PNPLA8: variants seen among roughly 807,000 people sequenced by gnomAD.
PNPLA8 encodes the protein patatin like domain 8, phospholipase A2, also known as calcium-independent phospholipase A2-gamma.
A neutral mutation model predicts 76.9 loss-of-function variants in PNPLA8; 39 were observed. That is an observed-to-expected ratio of 0.51 (90% confidence interval 0.39 to 0.66). The LOEUF is 0.66. Ranked by LOEUF, PNPLA8 falls within the 30% of genes least tolerant of loss-of-function variation. The probability of loss-of-function intolerance (pLI) is 0.00; values close to 1 mark genes in which losing one functional copy is unlikely to be tolerated. For missense variants in PNPLA8, 887 were observed against 918.0 expected (o/e 0.97, Z 0.44); for synonymous variants, 301 against 307.9 (o/e 0.98, Z 0.24).
Position 108,515,480 on chromosome 7 carries a change from A to G in PNPLA8, c.12T>C (p.Asn4=). ...GGTAAATATATATATCTACAGTCAG[A>G]TTAATAGACATAACTTAAAAATCAT... The part of the protein sequence containing the change: MSI[N]LTVDIYIYLL... Residue 4 remains asparagine (N), a synonymous_variant, in exon 3 of 11, where the codon AAT becomes AAC. Coordinates refer to ENST00000257694, the MANE Select transcript of PNPLA8 (RefSeq NM_001256007.3). 6.9e-7 allele frequency: 1 copy of G among 1,444,030 alleles called. No individual in the cohort carries two copies. The highest frequency in any genetic ancestry group is 9.2e-7 in the Non-Finnish European group (1 of 1,090,778). 89.5% of individuals were successfully genotyped at this position (1,444,030 alleles called of 1,614,324 possible).
At chr7:108,507,417 G>A (rs1396183151) in intron 4 of PNPLA8, among the ~76,000 whole-genome samples, 2 of 150,984 alleles carry the variant, frequency 1.3e-5, no homozygotes, top group Admixed American at 6.6e-5. Flanking sequence ...TACTTTGGGA[G>A]GCAAGGCAGG....
intron 6 of PNPLA8, among the ~76,000 whole-genome samples, chr7:108,497,047 A>T (rs896052882): frequency 6.6e-6 from 1 of 152,186 alleles, no homozygotes; most frequent in Non-Finnish European, 1.5e-5. Context: ...ATAATAATTT[A>T]AAAATATTTA....
chr7:108,501,749 G>C (rs929848193), intron 5 of PNPLA8, among the ~76,000 whole-genome samples: 1 of 152,036 alleles, frequency 6.6e-6, no homozygotes, highest in East Asian at 1.9e-4. Context: ...GCTTGAACTT[G>C]GGAGGCAGAG....
intron 2 of PNPLA8, among the ~76,000 whole-genome samples, chr7:108,519,389 C>T (rs1156863407): frequency 2.6e-5 from 4 of 151,996 alleles, no homozygotes; most frequent in African/African-American, 9.7e-5. Context: ...AAACTACACA[C>T]ACAGAGGCAA....
chr7:108,505,468 TTC>T (rs1862352357), intron 4 of PNPLA8, among the ~76,000 whole-genome samples: 1 of 143,800 alleles, frequency 7.0e-6, no homozygotes, highest in Non-Finnish European at 1.5e-5. Context: ...GTTCAAGCCA[TTC>T]TCCTGCCTCA....
Position 108,514,559 on chromosome 7 carries a change from G to A in PNPLA8, c.933C>T (p.Pro311=). 1 of 1,613,824 alleles carries A rather than the reference G, an allele frequency of 6.2e-7. No individual in the cohort carries two copies. ...LVGGYIGGLV[P]KLKYDSKSQS... is the part of the protein sequence containing the mutation. The stretch of plus-strand genomic sequence containing the variant: ...GACTCTTTGAATCATACTTTAATTT[G>A]GGGACAAGTCCACCAATATAACCAC... The change falls in exon 3 of 11, where the codon CCC becomes CCT. Residue 311 remains proline, a synonymous_variant. Transcript: ENST00000257694.
chr7:108,477,625 C>T (rs1282704199), intron 10 of PNPLA8, among the ~76,000 whole-genome samples: 1 of 152,042 alleles, frequency 6.6e-6, no homozygotes, highest in Non-Finnish European at 1.5e-5. Context: ...TTCAGGAGGC[C>T]AAGGCAGGAG....
At chr7:108,504,387 T>A (rs1862187247) in intron 4 of PNPLA8, among the ~76,000 whole-genome samples, 1 of 151,584 alleles carries the variant, frequency 6.6e-6, no homozygotes, top group Non-Finnish European at 1.5e-5. Flanking sequence ...ATATATCAGA[T>A]ACCTATGAAT....
At chr7:108,487,203 G>A (rs1226966766) in intron 9 of PNPLA8, among the ~76,000 whole-genome samples, 1 of 152,200 alleles carries the variant, frequency 6.6e-6, no homozygotes, top group Non-Finnish European at 1.5e-5. Context: ...CTTAACAGCT[G>A]TGATGCTAGT....
chr7:108,489,321 C>T (rs1283146899), intron 8 of PNPLA8, among the ~76,000 whole-genome samples: 1 of 152,200 alleles, frequency 6.6e-6, no homozygotes, highest in African/African-American at 2.4e-5. Flanking sequence ...AGCCTCATTC[C>T]ACATGCAGCC....
chr7:108,497,389 G>A, intron 6 of PNPLA8, 94 bp downstream of exon 6: 3 of 817,070 alleles, frequency 3.7e-6, no homozygotes, highest in Non-Finnish European at 3.8e-6. Context: ...GAGGGCTGAA[G>A]AAGGCAAAGG....
Position 108,472,473 on chromosome 7 carries a change from CAG to C in PNPLA8, c.2275_2276del (p.Leu759AlafsTer4), listed in dbSNP as rs774184465. The C allele has an allele frequency of 8.7e-6, 14 of 1,600,120 alleles. No individual in the cohort carries two copies. The highest frequency in any genetic ancestry group is 6.8e-5 in the African/African-American group (5 of 74,062). Reference sequence around the variant, plus strand: ...ATTTTATCCAATCATTAATTTTCTGCAGAGTTGTTTTTTCTTGACTTAATATT... The same window carrying C: ...ATTTTATCCAATCATTAATTTTCTGCAGTTGTTTTTTCTTGACTTAATATT... The part of the protein sequence containing the change: ...AKILSQEKTT[L>X]QKINDWIKLK... On this transcript the variant is annotated frameshift_variant, in exon 11 of 11. Transcript: ENST00000257694. LOFTEE classifies it high-confidence loss of function.
rs750782396 is a variant in PNPLA8, at chr7:108,514,312, T to C, written c.1057-19A>G. 1.1e-5 allele frequency: 18 copies of C among 1,588,974 alleles called. No homozygotes were observed. The highest frequency in any genetic ancestry group is 1.5e-5 in the Non-Finnish European group (18 of 1,164,010). On this transcript the variant is annotated intron_variant, in intron 3 of 10. Transcript: ENST00000257694. ...CGATAATCTACAAAGACATATTAAATAGATATGATTAGAATACAAAACTGC... is the reference window on the plus strand; with the variant it reads ...CGATAATCTACAAAGACATATTAAACAGATATGATTAGAATACAAAACTGC...
At chr7:108,515,935 A>G (rs1294627456) in intron 2 of PNPLA8, among the ~76,000 whole-genome samples, 1 of 152,176 alleles carries the variant, frequency 6.6e-6, no homozygotes, top group Non-Finnish European at 1.5e-5. Context: ...ATGTGACACT[A>G]GACTTTAATT....
rs775072488 is a variant in PNPLA8 at position 108,514,987 on chromosome 7, G to A, written c.505C>T (p.Pro169Ser). 6.2e-7 allele frequency: 1 copy of A among 1,607,252 alleles called. No individual in the cohort carries two copies. The highest frequency in any genetic ancestry group is 1.1e-5 in the South Asian group (1 of 90,952). ...KYSDKSAEKS[P>S]FPEEKSHIID... ...ATGTGACTTTTCTCTTCTGGAAAAG[G>A]ACTCTTTTCTGCTGATTTGTCACTA... The change falls in exon 3 of 11, where the codon CCT becomes TCT. Residue 169 changes from proline to serine, a missense_variant. Coordinates refer to ENST00000257694, the MANE Select transcript of PNPLA8 (RefSeq NM_001256007.3).
chr7:108,479,232 A>C lies in PNPLA8; in HGVS notation c.2026T>G (p.Leu676Val). 1 of 1,613,676 alleles carries C rather than the reference A, an allele frequency of 6.2e-7. No homozygotes were observed. Among genetic ancestry groups the C allele is most frequent in the Non-Finnish European group, 8.5e-7 (1 of 1,179,616 alleles). The change falls in exon 10 of 11, where the codon TTG becomes GTG. Residue 676 changes from leucine (L) to valine (V), a missense_variant. By Grantham distance (32) the Leu-to-Val change is conservative (BLOSUM62 1). Coordinates refer to ENST00000257694, the MANE Select transcript of PNPLA8 (RefSeq NM_001256007.3). Reference protein sequence around the residue: ...DVRNTVTYTSLKTKLSNVINS... With the variant: ...DVRNTVTYTSVKTKLSNVINS... ...ATAACATTAGAAAGTTTAGTTTTCA[A>C]GCTTGTGTATGTTACCGTGTTTCTC...
At chr7:108,473,475 T>TA (rs932161158) in intron 10 of PNPLA8, among the ~76,000 whole-genome samples, 6 of 152,118 alleles carry the variant, frequency 3.9e-5, no homozygotes, top group South Asian at 2.1e-4. Context: ...ATGCTTATTT[T>TA]AAAAAAAACC....
At position 108,470,956 on chromosome 7, in the gene PNPLA8, A is replaced by G. The variant is rs910158385; in HGVS notation, c.*1445T>C. ...CATCTCACAGCCTCTGTGAATTGAT[A>G]TTGCAAAGAAGCAATATGACTATCT... is the stretch of plus-strand genomic sequence containing the variant. On this transcript the variant is annotated 3_prime_UTR_variant, in exon 11 of 11. Coordinates refer to ENST00000257694, the MANE Select transcript of PNPLA8 (RefSeq NM_001256007.3). 2.0e-5 allele frequency: 3 copies of G among 152,198 alleles called. No homozygotes were observed. Among genetic ancestry groups the G allele is most frequent in the Non-Finnish European group, 4.4e-5 (3 of 68,030 alleles). The allele number at this position is 152,198 out of a possible 1,614,324, so 9.4% of individuals were successfully genotyped here. A position where few individuals can be genotyped will look rare whatever the true frequency, so the allele number is the denominator to read the frequency against.
rs780992057 is a variant in PNPLA8, at chr7:108,472,683, A to G, written c.2075-8T>C. On this transcript the variant is annotated splice_polypyrimidine_tract_variant and splice_region_variant and intron_variant, in intron 10 of 10. Transcript: ENST00000257694. ...CAAGCATTATATGGACTTCTGTTAA[A>G]GCAAAAAAGAAAAGGATAAGGGGAT... The G allele has an allele frequency of 3.9e-6, 6 of 1,557,138 alleles. No individual in the cohort carries two copies. In the Admixed American group the frequency reaches 6.6e-5, roughly 17 times the overall value.
Sources: gnomAD v4.1 joint callset for allele counts (sites outside exome capture counted in the v4.1 genomes callset) on GRCh38, gnomAD v4.1.1 for gene constraint, MANE v1.5 for transcripts, NCBI Gene and HGNC (gene_info 2026-07-23, HGNC 2026-07-21) for gene names.